RSF1: variants seen among roughly 807,000 people sequenced by gnomAD.
RSF1 encodes the protein remodeling and spacing factor 1.
A neutral mutation model predicts 145.2 loss-of-function variants in RSF1; 13 were observed. The ratio of observed to expected loss-of-function variants is 0.09; its 90% CI spans 0.06 to 0.14. The LOEUF (loss-of-function observed/expected upper bound fraction) is 0.14, where lower values mean the gene tolerates loss of function less well. RSF1 is among the 10% of genes least tolerant of loss of function. The pLI is 1.00. For missense variants in RSF1, 1,517 were observed against 1,718.2 expected, an observed-to-expected ratio of 0.88 and a Z score of 2.07; for synonymous variants, 577 against 592.6, an observed-to-expected ratio of 0.97 and a Z score of 0.38.
the RSF1 span, among the ~76,000 whole-genome samples, chr11:77,858,236 C>G: frequency 4.0e-5 from 6 of 148,918 alleles, no homozygotes; most frequent in African/African-American, 1.5e-4. Flanking sequence ...GCTCTGTCAC[C>G]CAGGCTGGAG....
At chr11:77,713,117 A>T (rs887315231) in intron 5 of RSF1, among the ~76,000 whole-genome samples, 3 of 152,160 alleles carry the variant, frequency 2.0e-5, no homozygotes, top group African/African-American at 7.2e-5. Context: ...TCTCATAAAC[A>T]CATATATGCA....
At chr11:77,698,777 A>C in intron 6 of RSF1, 84 bp from the exon 7 acceptor site, 1 of 1,164,570 alleles carries the variant, frequency 8.6e-7, no homozygotes, top group Non-Finnish European at 1.3e-6. Flanking sequence ...ATTGTATAAT[A>C]ATATTCAGCC....
intron 15 of RSF1, among the ~76,000 whole-genome samples, chr11:77,670,543 T>A (rs1013139286): frequency 2.6e-5 from 4 of 152,176 alleles, no homozygotes; most frequent in African/African-American, 9.7e-5. Flanking sequence ...TCTTCCCAAC[T>A]AAAATAAGAG....
At chr11:77,779,828 CCA>C (rs770523999) in intron 1 of RSF1, among the ~76,000 whole-genome samples, 2 of 152,264 alleles carry the variant, frequency 1.3e-5, no homozygotes, top group South Asian at 4.1e-4. Context: ...TAATGAGTTG[CCA>C]GTTTTTGTTT....
chr11:77,778,599 A>G (rs1948372528), intron 1 of RSF1, among the ~76,000 whole-genome samples: 1 of 152,150 alleles, frequency 6.6e-6, no homozygotes, highest in African/African-American at 2.4e-5. Context: ...TTCCTACCTC[A>G]GCCTACCAAT....
the RSF1 span, among the ~76,000 whole-genome samples, chr11:77,849,424 AT>A: frequency 2.6e-5 from 4 of 152,080 alleles, no homozygotes; most frequent in African/African-American, 7.2e-5. Context: ...GGCTTTCACC[AT>A]GTTGGCAAGG....
intron 1 of RSF1, among the ~76,000 whole-genome samples, chr11:77,811,215 T>C (rs944085466): frequency 6.6e-6 from 1 of 152,244 alleles, no homozygotes; most frequent in African/African-American, 2.4e-5. Context: ...GGCTGTAGAT[T>C]GCCCACCACT....
intron 5 of RSF1, among the ~76,000 whole-genome samples, chr11:77,712,548 T>C (rs925209593): frequency 1.3e-5 from 2 of 152,230 alleles, no homozygotes; most frequent in Non-Finnish European, 2.9e-5. Context: ...TTGTAACAGA[T>C]AAATATCCTG....
At chr11:77,764,997 A>G (rs1213822286) in intron 1 of RSF1, among the ~76,000 whole-genome samples, 1 of 152,210 alleles carries the variant, frequency 6.6e-6, no homozygotes, top group Non-Finnish European at 1.5e-5. Flanking sequence ...TTCATCAATT[A>G]TAAGAAATGT....
At chr11:77,738,112 G>C (rs1310215843) in intron 4 of RSF1, among the ~76,000 whole-genome samples, 1 of 152,216 alleles carries the variant, frequency 6.6e-6, no homozygotes, top group Non-Finnish European at 1.5e-5. Flanking sequence ...CTGGGCGACA[G>C]AGTGAGACTC....
chr11:77,785,925 CAA>C (rs10661397), intron 1 of RSF1, among the ~76,000 whole-genome samples: 45 of 37,126 alleles, frequency 1.2e-3, no homozygotes, highest in Middle Eastern at 0.05. Flanking sequence ...GATTCTGTCT[CAA>C]AAAAAAAAAA....
At chr11:77,773,723 A>C (rs762138694) in intron 1 of RSF1, among the ~76,000 whole-genome samples, 18 of 152,172 alleles carry the variant, frequency 1.2e-4, no homozygotes, top group Admixed American at 7.2e-4. Context: ...ACTGAAACCC[A>C]CACAAAGCTG....
chr11:77,830,556 T>C, the RSF1 span, among the ~76,000 whole-genome samples: 1 of 146,414 alleles, frequency 6.8e-6, no homozygotes, highest in South Asian at 2.2e-4. Flanking sequence ...AGGGCCCTTG[T>C]CCACTAGAGG....
At chr11:77,719,298 TCTC>T (rs2135878661) in intron 5 of RSF1, among the ~76,000 whole-genome samples, 1 of 152,280 alleles carries the variant, frequency 6.6e-6, no homozygotes, top group East Asian at 1.9e-4. Flanking sequence ...TTAGCAACTC[TCTC>T]CTTTTTCTGA....
Position 77,692,533 on chromosome 11 carries a change from C to T in RSF1, c.2820+974G>A, listed in dbSNP as rs527415253. Among the ~76,000 whole-genome samples the T allele has an allele frequency of 1.1e-4, 11 of 101,360 alleles. 2 individuals are homozygous for T. Among genetic ancestry groups the T allele is most frequent in the Admixed American group, 2.1e-4 (2 of 9,328 alleles). 66.5% of individuals were successfully genotyped at this position (101,360 alleles called of 152,430 possible). Reference sequence around the variant, plus strand: ...TGCTGGGATTACAGGCGTGAGCCACCGCGCCCGGCCACTACTTTTAAATTT... The same window carrying T: ...TGCTGGGATTACAGGCGTGAGCCACTGCGCCCGGCCACTACTTTTAAATTT... On this transcript the variant is annotated intron_variant, in intron 8 of 15. Transcript: ENST00000308488.
intron 1 of RSF1, among the ~76,000 whole-genome samples, chr11:77,816,805 C>T (rs1948786047): frequency 1.3e-5 from 2 of 152,314 alleles, no homozygotes; most frequent in African/African-American, 4.8e-5. Flanking sequence ...GAAGTCCACA[C>T]AAAGCACAGA....
At chr11:77,864,294 A>G in the RSF1 span, among the ~76,000 whole-genome samples, 1 of 152,124 alleles carries the variant, frequency 6.6e-6, no homozygotes, top group South Asian at 2.1e-4. Flanking sequence ...AAATACAAAA[A>G]TTAGCCAGGC....
At position 77,666,391 on chromosome 11, in the gene RSF1, TATG is replaced by T. The variant is rs1565140888; in HGVS notation, c.*523_*525del. 1 of 152,788 alleles carries T rather than the reference TATG, an allele frequency of 6.5e-6. No homozygotes were observed. The highest frequency in any genetic ancestry group is 2.4e-5 in the African/African-American group (1 of 41,594). 9.5% of individuals were successfully genotyped at this position (152,788 alleles called of 1,614,324 possible). A position where few individuals can be genotyped will look rare whatever the true frequency, so the allele number is the denominator to read the frequency against. On this transcript the variant is annotated 3_prime_UTR_variant, in exon 16 of 16. Transcript: ENST00000308488. ...AAAGGCTGTTACTAAATGACTTATG[TATG>T]ATGTTATCTACAATTCTCAAACTGT...
At chr11:77,800,967 C>T (rs1425524259) in intron 1 of RSF1, among the ~76,000 whole-genome samples, 5 of 152,046 alleles carry the variant, frequency 3.3e-5, no homozygotes, top group East Asian at 3.9e-4. Context: ...ATCGCACTAT[C>T]GCACTCCAAC....
Sources: gnomAD v4.1 joint callset for allele counts (sites outside exome capture counted in the v4.1 genomes callset) on GRCh38, gnomAD v4.1.1 for gene constraint, MANE v1.5 for transcripts, NCBI Gene and HGNC (gene_info 2026-07-23, HGNC 2026-07-21) for gene names.